The following SRGAP2B variants were observed in gnomAD, a reference collection of about 807,000 sequenced individuals.
SRGAP2B encodes SLIT-ROBO Rho GTPase activating protein 2B, also known as SLIT-ROBO Rho GTPase-activating protein 2B.
In SRGAP2B, 9 loss-of-function variants were observed where a neutral mutation model predicts 22.2. That is an observed-to-expected ratio of 0.41 (90% CI 0.24 to 0.71). The LOEUF is 0.71. Among genes scored for constraint, SRGAP2B ranks in the 30% least tolerant of loss-of-function variants. The pLI is 0.35. For missense variants in SRGAP2B, 114 were observed against 235.8 expected, an observed-to-expected ratio of 0.48 and a Z score of 3.38; for synonymous variants, 36 against 87.4, an observed-to-expected ratio of 0.41 and a Z score of 3.28.
At chr1:145,076,657 G>A (rs1437627391) in intron 2 of SRGAP2B, among the ~76,000 whole-genome samples, 27 of 143,212 alleles carry the variant, frequency 1.9e-4, no homozygotes, top group African/African-American at 7.3e-4. Flanking sequence ...TAAGGACTAA[G>A]GACTAAAGTG....
Position 145,044,650 on chromosome 1 carries a change from T to TAAAAAAAA in SRGAP2B, c.67+48177_67+48184dup, listed in dbSNP as rs1184404731. Among the ~76,000 whole-genome samples, 9 of 30,680 alleles carry TAAAAAAAA rather than the reference T, an allele frequency of 2.9e-4. 3 individuals carry two copies. Among genetic ancestry groups the TAAAAAAAA allele is most frequent in the African/African-American group, 3.9e-4 (3 of 7,608 alleles). 20.1% of individuals were successfully genotyped at this position (30,680 alleles called of 152,430 possible). On this transcript the variant is annotated intron_variant, in intron 2 of 9. Transcript: ENST00000612199. ...TATATTTTATATTTGAACCCCCTCC[T>TAAAAAAAA]AAAAAAAAAAAAAAAAAAAAAAAAA...
rs1558736843 is a variant in SRGAP2B, at chr1:144,894,006, C to T, written c.1054-497G>A. 2.9e-4 allele frequency among the ~76,000 whole-genome samples: 42 copies of T among 144,982 alleles called. 3 individuals are homozygous for T. The South Asian group carries it at 9.0e-3, about 31-fold the overall frequency. On this transcript the variant is annotated intron_variant, in intron 8 of 9. Coordinates refer to ENST00000612199, the Ensembl canonical transcript of SRGAP2B. ...TGAGAGCTTTGATTCAATGAGAAAGCGTGAAGCCAGGAACAAGTTCGTTGC... is the reference window on the plus strand; with the variant it reads ...TGAGAGCTTTGATTCAATGAGAAAGTGTGAAGCCAGGAACAAGTTCGTTGC...
chr1:144,965,201 C>T (rs1396912757), intron 3 of SRGAP2B: 7 of 1,009,596 alleles, frequency 6.9e-6, no homozygotes, highest in Admixed American at 5.5e-5. Flanking sequence ...TCTACAGCTC[C>T]AGCGTGAGCG....
At chr1:145,007,472 G>T (rs1450666891) in intron 2 of SRGAP2B, among the ~76,000 whole-genome samples, 1 of 150,690 alleles carries the variant, frequency 6.6e-6, no homozygotes, top group African/African-American at 2.5e-5. Context: ...TGGGAAAGAG[G>T]GGGAACCACC....
chr1:144,951,143 C>T (rs1666823510), intron 4 of SRGAP2B, among the ~76,000 whole-genome samples: 1 of 151,062 alleles, frequency 6.6e-6, no homozygotes, highest in Admixed American at 6.6e-5. Context: ...CCACCGCTCC[C>T]AGCCCTCTGT....
intron 2 of SRGAP2B, among the ~76,000 whole-genome samples, chr1:145,016,959 G>T (rs1403025929): frequency 1.2e-4 from 16 of 138,608 alleles, no homozygotes; most frequent in East Asian, 2.1e-4. Context: ...AGTTTTTTTT[G>T]TTTGTTTGTT....
At chr1:144,984,388 C>T (rs1413275178) in intron 3 of SRGAP2B, among the ~76,000 whole-genome samples, 1 of 136,024 alleles carries the variant, frequency 7.4e-6, no homozygotes, top group South Asian at 2.2e-4. Flanking sequence ...ACAAAAAAGC[C>T]CCTCTCTATT....
At chr1:145,089,146 G>T (rs1182407244) in intron 2 of SRGAP2B, among the ~76,000 whole-genome samples, 7 of 150,868 alleles carry the variant, frequency 4.6e-5, no homozygotes, top group African/African-American at 1.7e-4. Context: ...TGAGGGAAGT[G>T]GGGGTAGTCC....
At chr1:144,976,887 T>G (rs1362012862) in intron 3 of SRGAP2B, among the ~76,000 whole-genome samples, 1 of 45,786 alleles carries the variant, frequency 2.2e-5, no homozygotes, top group Non-Finnish European at 3.9e-5. Flanking sequence ...CTGATAAATG[T>G]AGAAGGAATG....
At chr1:144,969,849 A>T (rs1480582584) in intron 3 of SRGAP2B, among the ~76,000 whole-genome samples, 1 of 150,816 alleles carries the variant, frequency 6.6e-6, no homozygotes, top group Non-Finnish European at 1.5e-5. Context: ...ATGAACAGAC[A>T]CTTCTCAAAA....
chr1:145,056,949 TAAA>T (rs1164358846), intron 2 of SRGAP2B, among the ~76,000 whole-genome samples: 7 of 127,708 alleles, frequency 5.5e-5, no homozygotes, highest in Non-Finnish European at 9.9e-5. Context: ...TTGAAGGAGA[TAAA>T]ACACACACAC....
intron 3 of SRGAP2B, among the ~76,000 whole-genome samples, chr1:144,994,715 T>C (rs1273776244): frequency 2.0e-5 from 3 of 148,856 alleles, no homozygotes; most frequent in African/African-American, 5.1e-5. Context: ...TATGGAGTTG[T>C]TGGGATTAAG....
intron 5 of SRGAP2B, among the ~76,000 whole-genome samples, chr1:144,907,165 ATGTG>A (rs1201507999): frequency 6.7e-4 from 100 of 148,748 alleles, no homozygotes; most frequent in African/African-American, 2.4e-3. Context: ...GTGTGTGTGC[ATGTG>A]TGTGTGTAAC....
At chr1:145,093,895 C>T (rs1242289277) in intron 1 of SRGAP2B, among the ~76,000 whole-genome samples, 8 of 147,204 alleles carry the variant, frequency 5.4e-5, no homozygotes, top group African/African-American at 1.8e-4. Context: ...CCTCTCCCGC[C>T]CCTCCTCCCA....
At chr1:145,047,211 A>AAGGGGGAG (rs1478724156) in intron 2 of SRGAP2B, among the ~76,000 whole-genome samples, 1 of 45,910 alleles carries the variant, frequency 2.2e-5, no homozygotes, top group Non-Finnish European at 4.0e-5. Flanking sequence ...AAAAAGAACC[A>AAGGGGGAG]AGGGGGAGAT....
chr1:144,972,840 C>T (rs1251725613), intron 3 of SRGAP2B, among the ~76,000 whole-genome samples: 4 of 140,466 alleles, frequency 2.8e-5, no homozygotes, highest in Non-Finnish European at 6.1e-5. Flanking sequence ...GATGCAGTGC[C>T]TCACACCTGC....
At chr1:144,985,136 G>A (rs587657629) in intron 3 of SRGAP2B, among the ~76,000 whole-genome samples, 10 of 126,884 alleles carry the variant, frequency 7.9e-5, no homozygotes, top group African/African-American at 2.3e-4. Context: ...GCCTTATGTT[G>A]AAGATTTGTA....
At chr1:144,952,559 G>A (rs1320174199) in intron 4 of SRGAP2B, among the ~76,000 whole-genome samples, 1 of 149,992 alleles carries the variant, frequency 6.7e-6, no homozygotes, top group Non-Finnish European at 1.5e-5. Flanking sequence ...GAGTGCAGTG[G>A]CATGATTACA....
At chr1:145,001,997 G>C (rs1259245800) in intron 2 of SRGAP2B, among the ~76,000 whole-genome samples, 1 of 140,974 alleles carries the variant, frequency 7.1e-6, no homozygotes, top group Non-Finnish European at 1.5e-5. Flanking sequence ...ACTCCAGCCT[G>C]GGTGACAGAG....
Sources: gnomAD v4.1 joint callset for allele counts (sites outside exome capture counted in the v4.1 genomes callset) on GRCh38, gnomAD v4.1.1 for gene constraint, MANE v1.5 for transcripts, NCBI Gene and HGNC (gene_info 2026-07-23, HGNC 2026-07-21) for gene names.